Variants in FZD1 observed in about 807,000 individuals in gnomAD.
FZD1 encodes frizzled class receptor 1, also known as frizzled-1.
Under a neutral mutation model 48.0 loss-of-function variants are expected in FZD1, and 22 were observed. That is an observed-to-expected ratio of 0.46 (90% CI 0.33 to 0.65). FZD1 has a LOEUF of 0.65. FZD1 is among the 30% of genes least tolerant of loss of function. FZD1 has a pLI of 0.02. For synonymous variants in FZD1, 486 were observed against 409.6 expected, an observed-to-expected ratio of 1.19 and a Z score of -2.25; for missense variants, 843 against 898.1, an observed-to-expected ratio of 0.94 and a Z score of 0.78.
chr7:91,265,435 G>A lies in FZD1; in HGVS notation c.555G>A (p.Pro185=). ...PVCTVLEQAL[P]PCRSLCERAR... is the part of the protein sequence containing the mutation. Reference sequence around the variant, plus strand: ...GCACCGTGCTAGAGCAGGCGCTGCCGCCCTGCCGCTCCCTGTGCGAGCGCG... The same window carrying A: ...GCACCGTGCTAGAGCAGGCGCTGCCACCCTGCCGCTCCCTGTGCGAGCGCG... The change falls in exon 1 of 1, where the codon CCG becomes CCA. Residue 185 remains proline, a synonymous_variant. Coordinates refer to ENST00000287934, the MANE Select transcript of FZD1 (RefSeq NM_003505.2). This position sits in a 1 kb window ranked among gnomAD's most constrained non-coding sequence, Gnocchi z 6.9. 1 of 1,613,330 alleles carries A rather than the reference G, an allele frequency of 6.2e-7. No individual in the cohort carries two copies. The highest frequency in any genetic ancestry group is 8.5e-7 in the Non-Finnish European group (1 of 1,179,836).
In FZD1 at chr7:91,265,583, A is replaced by G; in HGVS notation, c.703A>G (p.Lys235Glu). The G allele has an allele frequency of 1.2e-6, 2 of 1,609,468 alleles. No homozygotes were observed. Among genetic ancestry groups the G allele is most frequent in the Non-Finnish European group, 1.7e-6 (2 of 1,179,366 alleles). ...GTGCGTGGGCCAGAACACGTCCGAC[A>G]AGGGCACCCCGACGCCCTCGCTGCT... ...ELCVGQNTSD[K>E]GTPTPSLLPE... Residue 235 changes from lysine (K) to glutamate (E), a missense_variant, in exon 1 of 1, where the codon AAG becomes GAG. By Grantham distance (56) the Lys-to-Glu change is moderately conservative. Transcript: ENST00000287934. This position sits in a 1 kb window ranked among gnomAD's most constrained non-coding sequence, Gnocchi z 6.9.
In FZD1 at chr7:91,265,189, C is replaced by A; in HGVS notation, c.309C>A (p.Asn103Lys). The change falls in exon 1 of 1, where the codon AAC becomes AAA. Residue 103 changes from asparagine (N) to lysine (K), a missense_variant. This residue lies in a region of FZD1 where 490 missense variants were observed against 466.5 expected (regional missense o/e 1.05). Coordinates refer to ENST00000287934, the MANE Select transcript of FZD1 (RefSeq NM_003505.2). This position sits in a 1 kb window ranked among gnomAD's most constrained non-coding sequence, Gnocchi z 6.9. ...PQQQQSGQQY[N>K]GERGISVPDH... ...AGCAACAGAGCGGGCAGCAGTACAACGGCGAGCGGGGCATCTCCGTCCCGG... is the reference window on the plus strand; with the variant it reads ...AGCAACAGAGCGGGCAGCAGTACAAAGGCGAGCGGGGCATCTCCGTCCCGG... 6.8e-6 allele frequency: 11 copies of A among 1,613,026 alleles called. No homozygotes were observed. The highest frequency in any genetic ancestry group is 9.3e-6 in the Non-Finnish European group (11 of 1,179,846).
chr7:91,265,917 G>C lies in FZD1; in HGVS notation c.1037G>C (p.Arg346Pro). 1 of 1,614,170 alleles carries C rather than the reference G, an allele frequency of 6.2e-7. No homozygotes were observed. Among genetic ancestry groups the C allele is most frequent in the Non-Finnish European group, 8.5e-7 (1 of 1,180,012 alleles). ...FTVLTYLVDM[R>P]RFSYPERPII... is the part of the protein sequence containing the mutation. ...GTGCTTACGTACCTGGTGGACATGC[G>C]GCGCTTCAGCTACCCGGAGCGGCCC... The change falls in exon 1 of 1, where the codon CGG (arginine) becomes CCG (proline). Residue 346 changes from arginine (R) to proline (P), a missense_variant. Coordinates refer to ENST00000287934, the MANE Select transcript of FZD1 (RefSeq NM_003505.2). The surrounding 1 kb of genome is among the most constrained non-coding windows in gnomAD (Gnocchi z 6.9).
chr7:91,265,720 C>T lies in FZD1; in HGVS notation c.840C>T (p.Leu280=). 6.2e-7 allele frequency: 1 copy of T among 1,609,232 alleles called. No individual in the cohort carries two copies. Among genetic ancestry groups the T allele is most frequent in the South Asian group, 1.1e-5 (1 of 90,674 alleles). Reference sequence around the variant, plus strand: ...GCAAGTTCTCCTGCCCGCGCGCCCTCAAGGTGCCCTCCTACCTCAACTACC... The same window carrying T: ...GCAAGTTCTCCTGCCCGCGCGCCCTTAAGGTGCCCTCCTACCTCAACTACC... The part of the protein sequence containing the change: ...ERGKFSCPRA[L]KVPSYLNYHF... The change falls in exon 1 of 1, where the codon CTC becomes CTT. Residue 280 remains leucine, a synonymous_variant. Coordinates refer to ENST00000287934, the MANE Select transcript of FZD1 (RefSeq NM_003505.2). This position sits in a 1 kb window ranked among gnomAD's most constrained non-coding sequence, Gnocchi z 6.9.
chr7:91,267,455 T>A lies in FZD1; in HGVS notation c.*631T>A, dbSNP rs1433299385. ...TTCTTTCCTGGCTTGAGGTAGGGGC[T>A]CTTAAGGTACAGAACTCCACAAACC... On this transcript the variant is annotated 3_prime_UTR_variant, in exon 1 of 1. Transcript: ENST00000287934. 1 of 167,204 alleles carries A rather than the reference T, an allele frequency of 6.0e-6. No individual in the cohort carries two copies. Among genetic ancestry groups the A allele is most frequent in the Non-Finnish European group, 1.5e-5 (1 of 68,306 alleles). 10.4% of individuals were successfully genotyped at this position (167,204 alleles called of 1,614,324 possible). A position where few individuals can be genotyped will look rare whatever the true frequency, so the allele number is the denominator to read the frequency against.
chr7:91,265,467 A>C lies in FZD1; in HGVS notation c.587A>C (p.Gln196Pro). The change falls in exon 1 of 1, where the codon CAG becomes CCG. Residue 196 changes from glutamine (Q) to proline (P), a missense_variant. This residue lies in a region of FZD1 where 490 missense variants were observed against 466.5 expected (regional missense o/e 1.05). Transcript: ENST00000287934. The surrounding 1 kb of genome is among the most constrained non-coding windows in gnomAD (Gnocchi z 6.9). ...CGCTCCCTGTGCGAGCGCGCGCGCCAGGGCTGCGAGGCGCTCATGAACAAG... is the reference window on the plus strand; with the variant it reads ...CGCTCCCTGTGCGAGCGCGCGCGCCCGGGCTGCGAGGCGCTCATGAACAAG... Reference protein sequence around the residue: ...PCRSLCERARQGCEALMNKFG... With the variant: ...PCRSLCERARPGCEALMNKFG... The C allele has an allele frequency of 6.2e-7, 1 of 1,613,072 alleles. No individual in the cohort carries two copies. Among genetic ancestry groups the C allele is most frequent in the Non-Finnish European group, 8.5e-7 (1 of 1,179,674 alleles).
Position 91,266,334 on chromosome 7 carries a change from A to G in FZD1, c.1454A>G (p.Asp485Gly). 6.2e-7 allele frequency: 1 copy of G among 1,614,138 alleles called. No homozygotes were observed. Among genetic ancestry groups the G allele is most frequent in the Non-Finnish European group, 8.5e-7 (1 of 1,180,024 alleles). ...GVCFVGLNNV[D>G]ALRGFVLAPL... ...TGCTTCGTGGGGCTTAACAACGTGGACGCGCTGCGTGGCTTCGTGCTGGCG... is the reference window on the plus strand; with the variant it reads ...TGCTTCGTGGGGCTTAACAACGTGGGCGCGCTGCGTGGCTTCGTGCTGGCG... The change falls in exon 1 of 1, where the codon GAC becomes GGC. Residue 485 changes from aspartate to glycine, a missense_variant. Around this residue, in one of 2 missense-constraint regions of FZD1, gnomAD observed 353 missense variants for 431.6 expected, o/e 0.82. Coordinates refer to ENST00000287934, the MANE Select transcript of FZD1 (RefSeq NM_003505.2). The surrounding 1 kb of genome is among the most constrained non-coding windows in gnomAD (Gnocchi z 6.8).
chr7:91,265,471 C>G lies in FZD1; in HGVS notation c.591C>G (p.Gly197=). The stretch of plus-strand genomic sequence containing the variant: ...CCCTGTGCGAGCGCGCGCGCCAGGG[C>G]TGCGAGGCGCTCATGAACAAGTTCG... ...CRSLCERARQ[G]CEALMNKFGF... The change falls in exon 1 of 1, where the codon GGC becomes GGG. Residue 197 remains glycine, a synonymous_variant. Transcript: ENST00000287934. The surrounding 1 kb of genome is among the most constrained non-coding windows in gnomAD (Gnocchi z 6.9). The G allele has an allele frequency of 3.1e-6, 5 of 1,613,068 alleles. No individual in the cohort carries two copies. The highest frequency in any genetic ancestry group is 3.4e-6 in the Non-Finnish European group (4 of 1,179,700).
Position 91,270,301 on chromosome 7 carries a change from A to G in FZD1, c.*3477A>G, listed in dbSNP as rs1803949737. 6.0e-6 allele frequency: 1 copy of G among 167,062 alleles called. No individual in the cohort carries two copies. The highest frequency in any genetic ancestry group is 1.5e-5 in the Non-Finnish European group (1 of 68,112). The allele number at this position is 167,062 out of a possible 1,614,324, so 10.3% of individuals were successfully genotyped here. A position where few individuals can be genotyped will look rare whatever the true frequency, so the allele number is the denominator to read the frequency against. On this transcript the variant is annotated 3_prime_UTR_variant, in exon 1 of 1. Coordinates refer to ENST00000287934, the MANE Select transcript of FZD1 (RefSeq NM_003505.2). ...CTGAAGCTCTTCTTTCTAAAAAAGCAGTTTTCCACTTAAGCTTTGTGGGGA... is the reference window on the plus strand; with the variant it reads ...CTGAAGCTCTTCTTTCTAAAAAAGCGGTTTTCCACTTAAGCTTTGTGGGGA...
In FZD1 at chr7:91,266,742, T is replaced by C. The variant is rs757714719; in HGVS notation, c.1862T>C (p.Ile621Thr). The stretch of plus-strand genomic sequence containing the variant: ...GTGGGCATCACGTCGGGCTTCTGGA[T>C]CTGGTCCGGCAAGACCCTCAACTCC... ...LIVGITSGFWIWSGKTLNSWR... is the reference protein window; with the variant it reads ...LIVGITSGFWTWSGKTLNSWR... Residue 621 changes from isoleucine to threonine, a missense_variant, in exon 1 of 1, where the codon ATC becomes ACC. Around this residue, in one of 2 missense-constraint regions of FZD1, gnomAD observed 353 missense variants for 431.6 expected, o/e 0.82. Coordinates refer to ENST00000287934, the MANE Select transcript of FZD1 (RefSeq NM_003505.2). The surrounding 1 kb of genome is among the most constrained non-coding windows in gnomAD (Gnocchi z 6.8). 1 of 1,613,652 alleles carries C rather than the reference T, an allele frequency of 6.2e-7. No individual in the cohort carries two copies. Among genetic ancestry groups the C allele is most frequent in the South Asian group, 1.1e-5 (1 of 91,082 alleles).
rs536189263 is a variant in FZD1 at position 91,270,779 on chromosome 7, A to C, written c.*3955A>C. 6.0e-6 allele frequency: 1 copy of C among 167,060 alleles called. No homozygotes were observed. Among genetic ancestry groups the C allele is most frequent in the South Asian group, 2.1e-4 (1 of 4,826 alleles). The allele number at this position is 167,060 out of a possible 1,614,324, so 10.3% of individuals were successfully genotyped here. ...TCATGGCATTGGATATCTCTGATTC[A>C]TTTCTTATTATAATAGTCTGTGTAA... On this transcript the variant is annotated 3_prime_UTR_variant, in exon 1 of 1. Transcript: ENST00000287934.
rs757226244 is a variant in FZD1 at position 91,265,443 on chromosome 7, G to C, written c.563G>C (p.Arg188Pro). 6.2e-7 allele frequency: 1 copy of C among 1,613,356 alleles called. No homozygotes were observed. Among genetic ancestry groups the C allele is most frequent in the Non-Finnish European group, 8.5e-7 (1 of 1,179,800 alleles). ...CTAGAGCAGGCGCTGCCGCCCTGCCGCTCCCTGTGCGAGCGCGCGCGCCAG... is the reference window on the plus strand; with the variant it reads ...CTAGAGCAGGCGCTGCCGCCCTGCCCCTCCCTGTGCGAGCGCGCGCGCCAG... ...TVLEQALPPC[R>P]SLCERARQGC... is the part of the protein sequence containing the mutation. The change falls in exon 1 of 1, where the codon CGC (arginine) becomes CCC (proline). Residue 188 changes from arginine (R) to proline (P), a missense_variant. This residue lies in a region of FZD1 where 490 missense variants were observed against 466.5 expected (regional missense o/e 1.05). Coordinates refer to ENST00000287934, the MANE Select transcript of FZD1 (RefSeq NM_003505.2). This position sits in a 1 kb window ranked among gnomAD's most constrained non-coding sequence, Gnocchi z 6.9.
Position 91,270,881 on chromosome 7 carries a change from A to G in FZD1, c.*4057A>G, listed in dbSNP as rs1278594727. On this transcript the variant is annotated 3_prime_UTR_variant, in exon 1 of 1. Coordinates refer to ENST00000287934, the MANE Select transcript of FZD1 (RefSeq NM_003505.2). ...TGGACGCTGGTGATATTGTCATTGAATACTTTGCAGAATACACTAATGTCA... is the reference window on the plus strand; with the variant it reads ...TGGACGCTGGTGATATTGTCATTGAGTACTTTGCAGAATACACTAATGTCA... 4 of 167,108 alleles carry G rather than the reference A, an allele frequency of 2.4e-5. No individual in the cohort carries two copies. The allele number at this position is 167,108 out of a possible 1,614,324, so 10.4% of individuals were successfully genotyped here.
chr7:91,264,730 G>T lies in FZD1; in HGVS notation c.-151G>T, dbSNP rs1803838913. The T allele has an allele frequency of 1.5e-5, 7 of 453,596 alleles. No individual in the cohort carries two copies. The highest frequency in any genetic ancestry group is 2.2e-5 in the Non-Finnish European group (6 of 278,522). The allele number at this position is 453,596 out of a possible 1,614,324, so 28.1% of individuals were successfully genotyped here. ...TCCGCGGCGGCGGCGGCTGCGGTAC[G>T]CAGAACAGGAGCCGGGGGAGCGGGC... On this transcript the variant is annotated 5_prime_UTR_variant, in exon 1 of 1. Transcript: ENST00000287934.
Position 91,268,690 on chromosome 7 carries a change from A to G in FZD1, c.*1866A>G, listed in dbSNP as rs988234973. On this transcript the variant is annotated 3_prime_UTR_variant, in exon 1 of 1. Coordinates refer to ENST00000287934, the MANE Select transcript of FZD1 (RefSeq NM_003505.2). ...TATAATACCATATTTTTAATTTCAC[A>G]AATAAAAAATTCAAAGTTTTGTACA... 3.0e-5 allele frequency: 5 copies of G among 166,118 alleles called. No individual in the cohort carries two copies. The highest frequency in any genetic ancestry group is 2.9e-5 in the Non-Finnish European group (2 of 68,098). The allele number at this position is 166,118 out of a possible 1,614,324, so 10.3% of individuals were successfully genotyped here. A position where few individuals can be genotyped will look rare whatever the true frequency, so the allele number is the denominator to read the frequency against.
chr7:91,268,807 G>A lies in FZD1; in HGVS notation c.*1983G>A, dbSNP rs1803928332. 6.0e-6 allele frequency: 1 copy of A among 166,874 alleles called. No homozygotes were observed. Among genetic ancestry groups the A allele is most frequent in the South Asian group, 2.1e-4 (1 of 4,818 alleles). The allele number at this position is 166,874 out of a possible 1,614,324, so 10.3% of individuals were successfully genotyped here. On this transcript the variant is annotated 3_prime_UTR_variant, in exon 1 of 1. Coordinates refer to ENST00000287934, the MANE Select transcript of FZD1 (RefSeq NM_003505.2). ...GGTGTCTCATAGCCAATCCCACAGT[G>A]TAAAAATTCAGGAATTCAATGAAAA...
rs1171070019 is a variant in FZD1, at chr7:91,268,499, T to C, written c.*1675T>C. On this transcript the variant is annotated 3_prime_UTR_variant, in exon 1 of 1. Coordinates refer to ENST00000287934, the MANE Select transcript of FZD1 (RefSeq NM_003505.2). Reference sequence around the variant, plus strand: ...GAGAAAAGCAATCCTCCTGATTGTATTGTTTTAAACTTTAAGAATTTATCA... The same window carrying C: ...GAGAAAAGCAATCCTCCTGATTGTACTGTTTTAAACTTTAAGAATTTATCA... 2.4e-5 allele frequency: 4 copies of C among 167,094 alleles called. No individual in the cohort carries two copies. The highest frequency in any genetic ancestry group is 5.9e-5 in the Non-Finnish European group (4 of 68,120). The allele number at this position is 167,094 out of a possible 1,614,324, so 10.4% of individuals were successfully genotyped here.
rs1409416414 is a variant in FZD1 at position 91,266,868 on chromosome 7, C to G, written c.*44C>G. On this transcript the variant is annotated 3_prime_UTR_variant, in exon 1 of 1. Transcript: ENST00000287934. This position sits in a 1 kb window ranked among gnomAD's most constrained non-coding sequence, Gnocchi z 6.8. ...TGCCCAGGCCTCGGCCGGGGCGCAGCGATCCCCCAAAGCCAGCGCCGTGGA... is the reference window on the plus strand; with the variant it reads ...TGCCCAGGCCTCGGCCGGGGCGCAGGGATCCCCCAAAGCCAGCGCCGTGGA... The G allele has an allele frequency of 7.6e-7, 1 of 1,309,962 alleles. No homozygotes were observed. Among genetic ancestry groups the G allele is most frequent in the East Asian group, 2.3e-5 (1 of 43,130 alleles). 81.1% of individuals were successfully genotyped at this position (1,309,962 alleles called of 1,614,324 possible). A position where few individuals can be genotyped will look rare whatever the true frequency, so the allele number is the denominator to read the frequency against.
chr7:91,265,391 T>A lies in FZD1; in HGVS notation c.511T>A (p.Ser171Thr). The A allele has an allele frequency of 6.2e-7, 1 of 1,613,904 alleles. No individual in the cohort carries two copies. Reference sequence around the variant, plus strand: ...CGCTGAGCTCAAGTTCTTCCTGTGCTCCATGTACGCGCCCGTGTGCACCGT... The same window carrying A: ...CGCTGAGCTCAAGTTCTTCCTGTGCACCATGTACGCGCCCGTGTGCACCGT... Reference protein sequence around the residue: ...CSAELKFFLCSMYAPVCTVLE... With the variant: ...CSAELKFFLCTMYAPVCTVLE... The change falls in exon 1 of 1, where the codon TCC becomes ACC. Residue 171 changes from serine (S) to threonine (T), a missense_variant. By Grantham distance (58) the Ser-to-Thr change is moderately conservative (BLOSUM62 1). Coordinates refer to ENST00000287934, the MANE Select transcript of FZD1 (RefSeq NM_003505.2). This position sits in a 1 kb window ranked among gnomAD's most constrained non-coding sequence, Gnocchi z 6.9.
Sources: gnomAD v4.1 joint callset for allele counts on GRCh38, gnomAD v4.1.1 for gene constraint, gnomAD v4.1.1 regional missense constraint, Gnocchi (gnomAD v3.1) non-coding constraint, MANE v1.5 for transcripts, NCBI Gene and HGNC (gene_info 2026-07-23, HGNC 2026-07-21) for gene names.